PCDH15: variants seen among roughly 807,000 people sequenced by gnomAD.
The protein encoded by PCDH15 is protocadherin-15.
PCDH15 carries 129 observed loss-of-function variants against 178.5 expected under a neutral mutation model. The observed-to-expected ratio is 0.72, with a 90% CI of 0.63 to 0.84. The LOEUF is 0.84. Ranked by LOEUF, PCDH15 falls within the 40% of genes least tolerant of loss-of-function variation. PCDH15 has a pLI of 0.00. For synonymous variants in PCDH15, 800 were observed against 732.0 expected (o/e 1.09, Z -1.50); for missense variants, 2,230 against 2,099.9 (o/e 1.06, Z -1.21).
intron 2 of PCDH15, among the ~76,000 whole-genome samples, chr10:54,959,669 G>C (rs574820374): frequency 2.0e-5 from 3 of 152,122 alleles, no homozygotes; most frequent in Admixed American, 6.5e-5. Context: ...CTCACAAAAA[G>C]TTTAATCAGC....
At chr10:54,608,397 G>C (rs914594205) in intron 2 of PCDH15, among the ~76,000 whole-genome samples, 1 of 151,820 alleles carries the variant, frequency 6.6e-6, no homozygotes, top group African/African-American at 2.4e-5. Context: ...GCTTCAACTC[G>C]GGAGTTTGAG....
At chr10:54,601,259 G>T (rs1159447616) in intron 2 of PCDH15, among the ~76,000 whole-genome samples, 1 of 151,926 alleles carries the variant, frequency 6.6e-6, no homozygotes, top group Non-Finnish European at 1.5e-5. Context: ...TAGAATGGGA[G>T]AAATTATTTG....
At chr10:55,585,881 C>T (rs900353532) in intron 2 of PCDH15, among the ~76,000 whole-genome samples, 1 of 152,050 alleles carries the variant, frequency 6.6e-6, no homozygotes, top group African/African-American at 2.4e-5. Context: ...CATAGAACTA[C>T]TGTTCTGCCA....
intron 2 of PCDH15, among the ~76,000 whole-genome samples, chr10:55,588,958 G>A (rs1229706893): frequency 1.3e-5 from 2 of 151,624 alleles, no homozygotes; most frequent in Admixed American, 6.6e-5. Flanking sequence ...CCACATGCCT[G>A]TAATCCCAGC....
At chr10:54,417,922 A>T (rs1265806455) in intron 3 of PCDH15, among the ~76,000 whole-genome samples, 2 of 152,104 alleles carry the variant, frequency 1.3e-5, no homozygotes, top group Non-Finnish European at 2.9e-5. Flanking sequence ...TTCATTTTGT[A>T]GAGAGGGTCT....
At chr10:55,265,427 A>G (rs1842263360) in intron 1 of PCDH15, among the ~76,000 whole-genome samples, 1 of 151,878 alleles carries the variant, frequency 6.6e-6, no homozygotes, top group African/African-American at 2.4e-5. Context: ...GGGAGACGTT[A>G]TGTCATTTTT....
rs10569518 is a variant in PCDH15 at position 54,257,049 on chromosome 10, TTAGATAGATAGA to T, written c.877-20130_877-20119del. ...TTCTCATTCTCTCTCTCTCGATAGA[TTAGATAGATAGA>T]TAGATAGATAGATAGATAGATAGAT... On this transcript the variant is annotated intron_variant, in intron 8 of 37. Coordinates refer to ENST00000644397, the MANE Select transcript of PCDH15 (RefSeq NM_001384140.1). 4.3e-3 allele frequency among the ~76,000 whole-genome samples: 638 copies of T among 149,510 alleles called. 3 individuals are homozygous for T. Among genetic ancestry groups the T allele is most frequent in the African/African-American group, 0.013 (538 of 40,758 alleles).
At position 53,938,312 on chromosome 10, in the gene PCDH15, T is replaced by C. The variant is rs150322596; in HGVS notation, c.3373+503A>G. On this transcript the variant is annotated intron_variant, in intron 25 of 37. Coordinates refer to ENST00000644397, the MANE Select transcript of PCDH15 (RefSeq NM_001384140.1). ...TTGTAAAACAGGGTAGTAATTCTCA[T>C]TTCATAGATTAAAAGTGTAGGTTAA... Among the ~76,000 whole-genome samples the C allele has an allele frequency of 6.6e-3, 1,009 of 152,238 alleles. 10 individuals are homozygous for C. The highest frequency in any genetic ancestry group is 0.01 in the Non-Finnish European group (685 of 67,988).
intron 1 of PCDH15, among the ~76,000 whole-genome samples, chr10:54,700,066 C>A (rs2095288254): frequency 6.6e-6 from 1 of 152,046 alleles, no homozygotes; most frequent in African/African-American, 2.4e-5. Context: ...CTGGCATTAG[C>A]CCCCCAGAGT....
chr10:53,946,782 C>T (rs898485856), intron 23 of PCDH15, among the ~76,000 whole-genome samples: 1 of 152,046 alleles, frequency 6.6e-6, no homozygotes, highest in African/African-American at 2.4e-5. Context: ...CATACATATC[C>T]TTTTTGTTTT....
At chr10:54,450,329 G>A (rs752559699) in intron 3 of PCDH15, among the ~76,000 whole-genome samples, 16 of 151,326 alleles carry the variant, frequency 1.1e-4, no homozygotes, top group Non-Finnish European at 1.6e-4. Context: ...AGGCATTGAA[G>A]ATTGGACCAA....
chr10:54,495,131 G>A (rs1385978042), intron 3 of PCDH15, among the ~76,000 whole-genome samples: 1 of 152,094 alleles, frequency 6.6e-6, no homozygotes, highest in Non-Finnish European at 1.5e-5. Flanking sequence ...CAGGTGGTGT[G>A]GGGGGAAGTG....
Position 55,049,263 on chromosome 10 carries a change from C to A in PCDH15, c.-80+117313G>T, listed in dbSNP as rs535036053. On this transcript the variant is annotated intron_variant, in intron 2 of 5. Coordinates refer to the PCDH15 transcript ENST00000458638. ...TAATGGCTTTTATACGCAATAGGGGCATTAGGTTATTGGGCCTATTTGTGT... is the reference window on the plus strand; with the variant it reads ...TAATGGCTTTTATACGCAATAGGGGAATTAGGTTATTGGGCCTATTTGTGT... Among the ~76,000 whole-genome samples, 7 of 151,938 alleles carry A rather than the reference C, an allele frequency of 4.6e-5. No individual in the cohort carries two copies. In the East Asian group the frequency reaches 1.2e-3, roughly 25 times the overall value.
chr10:54,600,691 G>A (rs2092480638), intron 2 of PCDH15: 1 of 560,046 alleles, frequency 1.8e-6, no homozygotes, highest in South Asian at 1.4e-5. Flanking sequence ...TAAGATTTGA[G>A]TCCACTGCAA....
At chr10:54,061,451 CTT>C (rs142956562) in intron 18 of PCDH15, among the ~76,000 whole-genome samples, 3,912 of 152,238 alleles carry the variant, frequency 0.026, 131 homozygotes, top group South Asian at 0.14. Context: ...AGAATACTGA[CTT>C]AGAGTCCTCA....
chr10:55,073,594 T>G (rs1307210116), intron 2 of PCDH15, among the ~76,000 whole-genome samples: 2 of 152,132 alleles, frequency 1.3e-5, no homozygotes, highest in South Asian at 4.1e-4. Context: ...TCAGGGACAT[T>G]GGCCTGTAGT....
chr10:53,936,865 C>T (rs1404628834), intron 25 of PCDH15, among the ~76,000 whole-genome samples: 3 of 152,000 alleles, frequency 2.0e-5, no homozygotes, highest in Non-Finnish European at 4.4e-5. Flanking sequence ...ACTAATTAAC[C>T]TCAATTTACA....
chr10:54,879,810 A>T (rs1230173626), intron 3 of PCDH15, among the ~76,000 whole-genome samples: 1 of 151,982 alleles, frequency 6.6e-6, no homozygotes, highest in Non-Finnish European at 1.5e-5. Context: ...TAACATATTG[A>T]TCTTAATTTT....
chr10:55,526,513 T>C (rs1194569264), intron 2 of PCDH15, among the ~76,000 whole-genome samples: 1 of 152,022 alleles, frequency 6.6e-6, no homozygotes, highest in African/African-American at 2.4e-5. Flanking sequence ...CTTTTAATAC[T>C]TTTTTCTTTA....
Sources: allele counts gnomAD v4.1 joint callset (sites outside exome capture counted in the v4.1 genomes callset), GRCh38; gene constraint gnomAD v4.1.1; transcripts MANE v1.5; gene names NCBI Gene and HGNC (gene_info 2026-07-23, HGNC 2026-07-21).